TBC1D22A: variants seen among roughly 807,000 people sequenced by gnomAD.
TBC1D22A encodes the protein putative GTPase activator.
TBC1D22A carries 38 observed loss-of-function variants against 60.2 expected under a neutral mutation model. The ratio of observed to expected loss-of-function variants is 0.63; its 90% CI spans 0.49 to 0.83. The LOEUF (loss-of-function observed/expected upper bound fraction) is 0.83. Ranked by LOEUF, TBC1D22A falls within the 40% of genes least tolerant of loss-of-function variation. The probability of loss-of-function intolerance (pLI) is 0.00; values close to 1 mark genes in which losing one functional copy is unlikely to be tolerated. For synonymous variants in TBC1D22A, 302 were observed against 281.7 expected (o/e 1.07, Z -0.72); for missense variants, 628 against 701.0 (o/e 0.90, Z 1.18).
chr22:46,931,897 G>T (rs1360941080), intron 8 of TBC1D22A, among the ~76,000 whole-genome samples: 1 of 152,210 alleles, frequency 6.6e-6, no homozygotes, highest in African/African-American at 2.4e-5. Flanking sequence ...GACTTTAAAA[G>T]CTTAATGGCA....
rs146700726 is a variant in TBC1D22A, at chr22:47,117,875, C to T, written c.1425+6272C>T. 4.6e-3 allele frequency among the ~76,000 whole-genome samples: 704 copies of T among 152,292 alleles called. 3 individuals carry two copies. The highest frequency in any genetic ancestry group is 8.8e-3 in the Admixed American group (135 of 15,304). The stretch of plus-strand genomic sequence containing the variant: ...CGATGGCTCTTGCCTGTAATCCCAG[C>T]ACTTTGGGAGGCAGAGGCGGGCGGA... On this transcript the variant is annotated intron_variant, in intron 12 of 12. Transcript: ENST00000337137.
At chr22:47,111,912 T>C (rs1035676309) in intron 12 of TBC1D22A, among the ~76,000 whole-genome samples, 2 of 152,194 alleles carry the variant, frequency 1.3e-5, no homozygotes, top group Non-Finnish European at 2.9e-5. Flanking sequence ...AGTGTGCGGC[T>C]TGTGACCTCT....
chr22:47,155,434 A>G (rs979907125), intron 12 of TBC1D22A, among the ~76,000 whole-genome samples: 6 of 152,028 alleles, frequency 3.9e-5, no homozygotes, highest in African/African-American at 7.2e-5. Flanking sequence ...CAAACTAATA[A>G]CTGGATTGTC....
chr22:46,864,732 A>C (rs569020318), intron 4 of TBC1D22A, among the ~76,000 whole-genome samples: 30 of 152,246 alleles, frequency 2.0e-4, no homozygotes, highest in African/African-American at 7.0e-4. Flanking sequence ...GTGTACCTGC[A>C]CTATTTTGGG....
intron 1 of TBC1D22A, among the ~76,000 whole-genome samples, chr22:46,779,520 A>C (rs1447099753): frequency 6.6e-6 from 1 of 152,142 alleles, no homozygotes; most frequent in African/African-American, 2.4e-5. Context: ...CGGCCTCCCA[A>C]AGAGCTGGAA....
chr22:46,907,134 T>TTG (rs990953648), intron 7 of TBC1D22A, among the ~76,000 whole-genome samples: 5 of 151,378 alleles, frequency 3.3e-5, no homozygotes, highest in African/African-American at 7.3e-5. Flanking sequence ...GTGCTCTTCT[T>TTG]TGTGTGTGTG....
chr22:47,105,641 G>A (rs2065604572), intron 11 of TBC1D22A, among the ~76,000 whole-genome samples: 2 of 152,188 alleles, frequency 1.3e-5, no homozygotes, highest in African/African-American at 4.8e-5. Context: ...GATTGGGGGA[G>A]CCCCCGTTCA....
At position 47,001,425 on chromosome 22, in the gene TBC1D22A, CAA is replaced by C. The variant is rs572012745; in HGVS notation, c.1201+3717_1201+3718del. ...CGCCATTGTACTCCCGCCCGGGCAACAAGAGTGAAACTCTATCTCAAAAAAGA... is the reference window on the plus strand; with the variant it reads ...CGCCATTGTACTCCCGCCCGGGCAACGAGTGAAACTCTATCTCAAAAAAGA... On this transcript the variant is annotated intron_variant, in intron 10 of 12. Transcript: ENST00000337137. Among the ~76,000 whole-genome samples the C allele has an allele frequency of 1.8e-4, 19 of 108,128 alleles. No individual in the cohort carries two copies. In the South Asian group the frequency reaches 4.7e-3, roughly 27 times the overall value. The allele number at this position is 108,128 out of a possible 152,430, so 70.9% of individuals were successfully genotyped here.
At chr22:47,155,561 A>G (rs2067680017) in intron 12 of TBC1D22A, among the ~76,000 whole-genome samples, 1 of 152,218 alleles carries the variant, frequency 6.6e-6, no homozygotes, top group African/African-American at 2.4e-5. Context: ...ACCAGTGACC[A>G]TGTTGGGCAG....
At chr22:47,039,579 G>A (rs543390910) in intron 11 of TBC1D22A, among the ~76,000 whole-genome samples, 2 of 152,012 alleles carry the variant, frequency 1.3e-5, no homozygotes, top group East Asian at 3.9e-4. Flanking sequence ...TGAATGAGGG[G>A]CATTGTCATG....
intron 8 of TBC1D22A, among the ~76,000 whole-genome samples, chr22:46,917,525 G>A (rs1354792370): frequency 6.6e-6 from 1 of 152,174 alleles, no homozygotes; most frequent in East Asian, 1.9e-4. Context: ...GGGGTGTGGT[G>A]CCGTTTACCA....
At chr22:46,855,574 G>A (rs371419446) in intron 4 of TBC1D22A, among the ~76,000 whole-genome samples, 5 of 152,314 alleles carry the variant, frequency 3.3e-5, no homozygotes, top group South Asian at 2.1e-4. Context: ...CAGCCTGGGA[G>A]TCAAGGTGGG....
At chr22:46,896,820 G>A (rs747083595) in intron 7 of TBC1D22A, among the ~76,000 whole-genome samples, 7 of 152,140 alleles carry the variant, frequency 4.6e-5, no homozygotes, top group East Asian at 1.9e-4. Context: ...GCTCTTCCAC[G>A]TACGTCTCAG....
chr22:47,027,170 G>A (rs1603057175), intron 10 of TBC1D22A, among the ~76,000 whole-genome samples: 1 of 152,294 alleles, frequency 6.6e-6, no homozygotes, highest in East Asian at 1.9e-4. Flanking sequence ...GCATATATTT[G>A]TTATGCGTAT....
chr22:46,912,835 G>A (rs1179699154), intron 8 of TBC1D22A, among the ~76,000 whole-genome samples: 3 of 152,176 alleles, frequency 2.0e-5, no homozygotes, highest in Non-Finnish European at 4.4e-5. Context: ...GATTATAGAC[G>A]TGAGCTACCA....
chr22:46,943,362 A>G (rs2072298835), intron 8 of TBC1D22A, among the ~76,000 whole-genome samples: 1 of 152,208 alleles, frequency 6.6e-6, no homozygotes, highest in Non-Finnish European at 1.5e-5. Context: ...AGACCTTTGC[A>G]ATATGTCTGC....
chr22:47,102,196 G>A lies in TBC1D22A; in HGVS notation c.1330-9312G>A, dbSNP rs960542345. 5.3e-5 allele frequency among the ~76,000 whole-genome samples: 8 copies of A among 152,306 alleles called. No homozygotes were observed. In the East Asian group the frequency reaches 9.7e-4, roughly 18 times the overall value. On this transcript the variant is annotated intron_variant, in intron 11 of 12. Coordinates refer to ENST00000337137, the MANE Select transcript of TBC1D22A (RefSeq NM_014346.5). ...TTCCTTTACCTCCCCAAAGTAGCCC[G>A]GAGCCTGGAGAACGGGGAGATCTTG... is the stretch of plus-strand genomic sequence containing the variant.
Position 46,967,824 on chromosome 22 carries a change from T to C in TBC1D22A, c.1016-6466T>C, listed in dbSNP as rs557081546. Reference sequence around the variant, plus strand: ...TGCACCCCCTGGTAATTACAAGCTATGATTCCAGTGCACCCCCTGGTAATT... The same window carrying C: ...TGCACCCCCTGGTAATTACAAGCTACGATTCCAGTGCACCCCCTGGTAATT... On this transcript the variant is annotated intron_variant, in intron 8 of 12. Transcript: ENST00000337137. 4.0e-5 allele frequency among the ~76,000 whole-genome samples: 6 copies of C among 150,984 alleles called. No homozygotes were observed. The South Asian group carries it at 6.5e-4, about 16-fold the overall frequency.
chr22:47,034,194 G>T (rs1166341771), intron 10 of TBC1D22A, among the ~76,000 whole-genome samples: 1 of 152,204 alleles, frequency 6.6e-6, no homozygotes, highest in Non-Finnish European at 1.5e-5. Context: ...TGAGCAACAC[G>T]CTGGCGCTGC....
Sources: allele counts gnomAD v4.1 joint callset (sites outside exome capture counted in the v4.1 genomes callset), GRCh38; gene constraint gnomAD v4.1.1; transcripts MANE v1.5; gene names NCBI Gene and HGNC (gene_info 2026-07-23, HGNC 2026-07-21).